KHDC1: variants seen among roughly 807,000 people sequenced by gnomAD.
KHDC1 encodes the protein KH homology domain-containing protein 1.
KHDC1 carries 21 observed loss-of-function variants against 24.7 expected under a neutral mutation model. The ratio of observed to expected loss-of-function variants is 0.85; its 90% CI spans 0.60 to 1.23. KHDC1 has a LOEUF of 1.23. Ranked by LOEUF, KHDC1 falls within the 50% of genes most tolerant of loss-of-function variation. The pLI, the probability that KHDC1 is intolerant of heterozygous loss-of-function variation, is 0.00. For synonymous variants in KHDC1, 98 were observed against 111.7 expected (o/e 0.88, Z 0.77); for missense variants, 274 against 298.5 (o/e 0.92, Z 0.61).
intron 2 of KHDC1, among the ~76,000 whole-genome samples, chr6:73,278,311 C>T (rs1582572883): frequency 1.3e-5 from 2 of 151,972 alleles, no homozygotes; most frequent in East Asian, 3.9e-4. Context: ...GCCATGGCGC[C>T]TGGCCAGAAT....
intron 2 of KHDC1, among the ~76,000 whole-genome samples, chr6:73,284,906 G>A (rs1459283229): frequency 6.6e-5 from 10 of 151,844 alleles, no homozygotes; most frequent in African/African-American, 1.7e-4. Context: ...ATGCAGTGGC[G>A]CAATCTCGGC....
At chr6:73,264,719 A>G (rs1056764451) in intron 2 of KHDC1, among the ~76,000 whole-genome samples, 2 of 152,226 alleles carry the variant, frequency 1.3e-5, no homozygotes, top group African/African-American at 4.8e-5. Flanking sequence ...AATGAGCCAG[A>G]GTGGAACCAG....
intron 2 of KHDC1, among the ~76,000 whole-genome samples, chr6:73,246,953 G>GA (rs888802639): frequency 2.6e-4 from 37 of 141,450 alleles, no homozygotes; most frequent in Middle Eastern, 3.6e-3. Context: ...TTGAATTTTA[G>GA]AAAAAAAAAA....
chr6:73,307,658 G>C (rs1399482069), intron 1 of KHDC1, among the ~76,000 whole-genome samples: 1 of 152,048 alleles, frequency 6.6e-6, no homozygotes, highest in East Asian at 1.9e-4. Context: ...ATTCCCTCAG[G>C]CCCCAGCCTT....
In KHDC1 at chr6:73,279,764, G is replaced by A. The variant is rs111555978; in HGVS notation, c.206+12234C>T. Among the ~76,000 whole-genome samples, 466 of 152,030 alleles carry A rather than the reference G, an allele frequency of 3.1e-3. 5 individuals are homozygous for A. Among genetic ancestry groups the A allele is most frequent in the African/African-American group, 0.01 (434 of 41,484 alleles). ...CCAGCTAATGTTTATATTTTTCGTAGAGACAGAGTTTTGCTGTGTTGCCAG... is the reference window on the plus strand; with the variant it reads ...CCAGCTAATGTTTATATTTTTCGTAAAGACAGAGTTTTGCTGTGTTGCCAG... On this transcript the variant is annotated intron_variant, in intron 2 of 4. Transcript: ENST00000370384.
At chr6:73,302,380 ACT>A (rs919100534) in intron 1 of KHDC1, among the ~76,000 whole-genome samples, 1 of 152,218 alleles carries the variant, frequency 6.6e-6, no homozygotes, top group Non-Finnish European at 1.5e-5. Flanking sequence ...TGAAAAATGC[ACT>A]GTTAGGAGAT....
chr6:73,253,746 A>T (rs1158343795), intron 2 of KHDC1, among the ~76,000 whole-genome samples: 1 of 151,822 alleles, frequency 6.6e-6, no homozygotes, highest in South Asian at 2.1e-4. Context: ...AAAAATAAAA[A>T]CAATTAAAAA....
At chr6:73,276,145 C>A (rs1767291544) in intron 2 of KHDC1, 1 of 151,176 alleles carries the variant, frequency 6.6e-6, no homozygotes, top group African/African-American at 2.4e-5. Flanking sequence ...GAGCAGAGAT[C>A]GTGCCACTGC....
intron 2 of KHDC1, chr6:73,291,168 C>T (rs1767644157): frequency 2.0e-6 from 1 of 494,722 alleles, no homozygotes; most frequent in Non-Finnish European, 4.0e-6. Flanking sequence ...CAGCAGTTCC[C>T]TACTGAAGAT....
At chr6:73,292,018 C>T (rs774391260) in exon 2 of KHDC1, 274 of 1,613,910 alleles carry the variant, frequency 1.7e-4, no homozygotes, top group Non-Finnish European at 2.2e-4. Context: ...GGCATCTAGT[C>T]TTTCCGCTCC....
Position 73,242,134 on chromosome 6 carries a change from G to A in KHDC1, c.435C>T (p.Val145=), listed in dbSNP as rs535901829. The A allele has an allele frequency of 1.5e-4, 248 of 1,614,146 alleles. No individual in the cohort carries two copies. In the East Asian group the frequency reaches 4.4e-3, roughly 28 times the overall value. The stretch of plus-strand genomic sequence containing the variant: ...GCCACTGCCTTGCCCTGTGTGGTCC[G>A]ACTACAGTCACACGAGTCTGGCCTG... The change falls in exon 4 of 5, where the codon GTC becomes GTT. Residue 145 remains valine, a synonymous_variant. Transcript: ENST00000370384.
intron 2 of KHDC1, among the ~76,000 whole-genome samples, chr6:73,272,713 T>G: frequency 6.7e-6 from 1 of 149,074 alleles, no homozygotes; most frequent in African/African-American, 2.5e-5. Flanking sequence ...AAGGCAGAGG[T>G]TGCAGTGAGC....
At chr6:73,256,874 T>C (rs1292669297) in intron 2 of KHDC1, among the ~76,000 whole-genome samples, 1 of 152,234 alleles carries the variant, frequency 6.6e-6, no homozygotes, top group Non-Finnish European at 1.5e-5. Context: ...CGCATGGGCT[T>C]AGTGTTTATA....
intron 2 of KHDC1, among the ~76,000 whole-genome samples, chr6:73,253,638 C>T (rs532077196): frequency 2.6e-5 from 4 of 152,072 alleles, no homozygotes; most frequent in South Asian, 2.1e-4. Flanking sequence ...CTAAGTCACA[C>T]CTGTAATCCC....
intron 2 of KHDC1, chr6:73,262,855 T>C (rs961460926): frequency 3.0e-6 from 3 of 985,812 alleles, no homozygotes; most frequent in South Asian, 9.4e-5. Flanking sequence ...ATAATCCTAA[T>C]GGAGGGCAGA....
Position 73,284,504 on chromosome 6 carries a change from A to G in KHDC1, c.206+7494T>C, listed in dbSNP as rs115988404. 1.0e-2 allele frequency among the ~76,000 whole-genome samples: 1,517 copies of G among 152,044 alleles called. 23 individuals are homozygous for G. Among genetic ancestry groups the G allele is most frequent in the African/African-American group, 0.034 (1,425 of 41,468 alleles). ...TCCCTAGCCCCCTGCCCACCAAATT[A>G]TCTATAAAAACTCTGGCCTCTGAGC... On this transcript the variant is annotated intron_variant, in intron 2 of 4. Coordinates refer to ENST00000370384, the Ensembl canonical transcript of KHDC1.
At chr6:73,263,091 C>G (rs1199644171) in intron 2 of KHDC1, 2 of 1,017,216 alleles carry the variant, frequency 2.0e-6, no homozygotes, top group Middle Eastern at 4.8e-4. Flanking sequence ...CGGCTGCAGG[C>G]CTGGCCGATT....
chr6:73,250,430 T>G (rs939791620), intron 2 of KHDC1, among the ~76,000 whole-genome samples: 6 of 152,220 alleles, frequency 3.9e-5, no homozygotes, highest in African/African-American at 1.4e-4. Flanking sequence ...CTTCTCACAG[T>G]GTTTATAGCA....
intron 2 of KHDC1, among the ~76,000 whole-genome samples, chr6:73,248,173 T>C (rs1222016229): frequency 6.6e-6 from 1 of 152,172 alleles, no homozygotes; most frequent in African/African-American, 2.4e-5. Context: ...GTTTTGCTAG[T>C]GGGAGACAGA....
Sources: gnomAD v4.1 joint callset for allele counts (sites outside exome capture counted in the v4.1 genomes callset) on GRCh38, gnomAD v4.1.1 for gene constraint, MANE v1.5 for transcripts, NCBI Gene and HGNC (gene_info 2026-07-23, HGNC 2026-07-21) for gene names.